The following PLCE1 variants were observed in gnomAD, a reference collection of about 807,000 sequenced individuals.
PLCE1 encodes the protein 1-phosphatidylinositol 4,5-bisphosphate phosphodiesterase epsilon-1.
PLCE1 carries 119 observed loss-of-function variants against 242.8 expected under a neutral mutation model. The observed-to-expected ratio is 0.49, with a 90% CI of 0.42 to 0.57. The LOEUF is 0.57. Among genes scored for constraint, PLCE1 ranks in the 20% least tolerant of loss-of-function variants. PLCE1 has a pLI of 0.00. For synonymous variants in PLCE1, 945 were observed against 1,017.4 expected (o/e 0.93, Z 1.35); for missense variants, 2,441 against 2,788.8 (o/e 0.88, Z 2.81).
At chr10:94,112,287 C>T (rs1298229015) in intron 2 of PLCE1, among the ~76,000 whole-genome samples, 1 of 152,090 alleles carries the variant, frequency 6.6e-6, no homozygotes, top group Middle Eastern at 3.2e-3. Flanking sequence ...TTTCATGAAA[C>T]AAATGCATTC....
In PLCE1 at chr10:94,283,901, A is replaced by G. The variant is rs2052340882; in HGVS notation, c.4907A>G (p.Asn1636Ser). ...AAGAAAGCAGATAACTCTGCTTGCA[A>G]CAAAGGAAAGGTGGGTGAACGGTTT... ...RIKKADNSAC[N>S]KGKVYDMELG... is the part of the protein sequence containing the mutation. The change falls in exon 21 of 33, where the codon AAC (asparagine) becomes AGC (serine). Residue 1636 changes from asparagine to serine, a missense_variant. By Grantham distance (46) the Asn-to-Ser change is conservative. Coordinates refer to ENST00000371380, the MANE Select transcript of PLCE1 (RefSeq NM_016341.4). 3 of 1,611,510 alleles carry G rather than the reference A, an allele frequency of 1.9e-6. No individual in the cohort carries two copies. Among genetic ancestry groups the G allele is most frequent in the Non-Finnish European group, 1.7e-6 (2 of 1,178,212 alleles).
chr10:94,098,360 A>G (rs2045394002), intron 2 of PLCE1, among the ~76,000 whole-genome samples: 1 of 152,210 alleles, frequency 6.6e-6, no homozygotes, highest in Non-Finnish European at 1.5e-5. Context: ...TCCCCTCAGG[A>G]GTATTTCCCC....
chr10:94,004,016 G>C (rs1220828170), intron 1 of PLCE1, among the ~76,000 whole-genome samples: 1 of 152,070 alleles, frequency 6.6e-6, no homozygotes, highest in Non-Finnish European at 1.5e-5. Context: ...GCATGGTGGT[G>C]GGCGCCTGTA....
At chr10:94,266,503 G>T (rs1440515623) in intron 16 of PLCE1, among the ~76,000 whole-genome samples, 1 of 152,128 alleles carries the variant, frequency 6.6e-6, no homozygotes, top group African/African-American at 2.4e-5. Flanking sequence ...AATGTTCTTT[G>T]AAACTCAGTA....
At chr10:94,198,089 A>G (rs1214454414) in intron 4 of PLCE1, among the ~76,000 whole-genome samples, 1 of 151,322 alleles carries the variant, frequency 6.6e-6, no homozygotes, top group African/African-American at 2.4e-5. Context: ...AAAAAAAGAT[A>G]TAATCTCATT....
chr10:94,174,709 C>G (rs143873529), intron 4 of PLCE1, among the ~76,000 whole-genome samples: 93 of 152,230 alleles, frequency 6.1e-4, no homozygotes, highest in African/African-American at 2.1e-3. Flanking sequence ...TCAGGCAACT[C>G]TAAATTGAAG....
intron 24 of PLCE1, among the ~76,000 whole-genome samples, chr10:94,304,278 T>C (rs1057043666): frequency 6.6e-6 from 1 of 152,230 alleles, no homozygotes; most frequent in African/African-American, 2.4e-5. Flanking sequence ...TTTTCTCTTA[T>C]TACCTGCTGT....
At chr10:94,172,823 T>A (rs890807763) in intron 4 of PLCE1, among the ~76,000 whole-genome samples, 3 of 152,136 alleles carry the variant, frequency 2.0e-5, no homozygotes, top group African/African-American at 4.8e-5. Flanking sequence ...TGAGACACCA[T>A]CTTTAGAAAA....
intron 2 of PLCE1, among the ~76,000 whole-genome samples, chr10:94,126,611 A>T (rs1228950347): frequency 2.0e-5 from 3 of 152,154 alleles, no homozygotes; most frequent in Non-Finnish European, 4.4e-5. Flanking sequence ...CCATGTTGTG[A>T]TGTGTTGGAT....
In PLCE1 at chr10:94,246,152, T is replaced by A; in HGVS notation, c.2627T>A (p.Leu876His). The change falls in exon 8 of 33, where the codon CTC (leucine) becomes CAC (histidine). Residue 876 changes from leucine (L) to histidine (H), a missense_variant. Physicochemically the swap from Leu to His is moderately conservative, Grantham distance 99. Around this residue, in one of 5 missense-constraint regions of PLCE1, gnomAD observed 733 missense variants for 754.2 expected, o/e 0.97. Coordinates refer to ENST00000371380, the MANE Select transcript of PLCE1 (RefSeq NM_016341.4). ...TVIHYDQDTH[L>H]SARCFLQLQP... The stretch of plus-strand genomic sequence containing the variant: ...ATCCACTACGACCAGGACACACACC[T>A]CTCTGCCCGCTGCTTCCTCCAGCTT... 1 of 1,614,056 alleles carries A rather than the reference T, an allele frequency of 6.2e-7. No homozygotes were observed. Among genetic ancestry groups the A allele is most frequent in the Non-Finnish European group, 8.5e-7 (1 of 1,180,000 alleles).
intron 1 of PLCE1, among the ~76,000 whole-genome samples, chr10:94,024,461 T>C (rs1241232279): frequency 6.6e-6 from 1 of 152,160 alleles, no homozygotes; most frequent in African/African-American, 2.4e-5. Context: ...CTTTGTCTTT[T>C]GTTACCTGGT....
chr10:94,304,588 GT>G lies in PLCE1; in HGVS notation c.5569del (p.Ser1857LeufsTer3). On this transcript the variant is annotated frameshift_variant, in exon 25 of 33. Transcript: ENST00000371380. LOFTEE classifies it high-confidence loss of function. ...ACAAGAACTGCCCCATGTATCAGAAGTTTTCTCCACTAGAAAGAGATCTGGA... is the reference window on the plus strand; with the variant it reads ...ACAAGAACTGCCCCATGTATCAGAAGTTTCTCCACTAGAAAGAGATCTGGA... Reference protein sequence around the residue: ...WDKNCPMYQKFSPLERDLDSM... With the variant: ...WDKNCPMYQKXSPLERDLDSM... The G allele has an allele frequency of 6.2e-7, 1 of 1,614,112 alleles. No homozygotes were observed. The highest frequency in any genetic ancestry group is 8.5e-7 in the Non-Finnish European group (1 of 1,179,972).
chr10:94,165,600 A>G lies in PLCE1; in HGVS notation c.1493-5580A>G, dbSNP rs1272873893. ...TTTAAGTAACTTACAAAAAAACAGTATTACCATATATATTGGAAAAAAATC... is the reference window on the plus strand; with the variant it reads ...TTTAAGTAACTTACAAAAAAACAGTGTTACCATATATATTGGAAAAAAATC... On this transcript the variant is annotated intron_variant, in intron 3 of 32. Coordinates refer to ENST00000371380, the MANE Select transcript of PLCE1 (RefSeq NM_016341.4). Among the ~76,000 whole-genome samples the G allele has an allele frequency of 2.6e-5, 4 of 152,176 alleles. No individual in the cohort carries two copies. In the East Asian group the frequency reaches 7.7e-4, roughly 29 times the overall value.
intron 3 of PLCE1, among the ~76,000 whole-genome samples, chr10:94,148,976 A>G (rs1431347104): frequency 1.3e-5 from 2 of 152,180 alleles, no homozygotes; most frequent in African/African-American, 4.8e-5. Flanking sequence ...CACCTCTCAC[A>G]CAGCACCCCG....
intron 23 of PLCE1, among the ~76,000 whole-genome samples, chr10:94,296,456 C>A (rs1392989778): frequency 1.3e-5 from 2 of 151,948 alleles, no homozygotes; most frequent in African/African-American, 4.8e-5. Flanking sequence ...ACTGTAGCTT[C>A]TCCATCAGTA....
At chr10:94,293,736 T>C in intron 23 of PLCE1, 97 bp downstream of exon 23, 1 of 1,370,412 alleles carries the variant, frequency 7.3e-7, no homozygotes, top group Non-Finnish European at 1.0e-6. Context: ...TTTTTAATTC[T>C]TTTTCCTGAA....
chr10:94,028,495 A>G (rs1005606083), intron 1 of PLCE1, among the ~76,000 whole-genome samples: 3 of 152,176 alleles, frequency 2.0e-5, no homozygotes, highest in African/African-American at 7.2e-5. Context: ...TCCTTCTACC[A>G]CATTCCATAC....
intron 2 of PLCE1, among the ~76,000 whole-genome samples, chr10:94,101,290 C>A (rs2045527206): frequency 6.6e-6 from 1 of 152,098 alleles, no homozygotes; most frequent in Non-Finnish European, 1.5e-5. Context: ...CCTTTCAGTT[C>A]CTCAGCTCTT....
intron 3 of PLCE1, 80 bp from the exon 4 acceptor site, chr10:94,171,100 T>A: frequency 6.0e-6 from 7 of 1,170,714 alleles, no homozygotes; most frequent in Non-Finnish European, 9.0e-6. Context: ...CATACAAGAT[T>A]TGGAATGGCT....
Sources: allele counts gnomAD v4.1 joint callset (sites outside exome capture counted in the v4.1 genomes callset), GRCh38; gene constraint gnomAD v4.1.1; regional missense constraint gnomAD v4.1.1; transcripts MANE v1.5; gene names NCBI Gene and HGNC (gene_info 2026-07-23, HGNC 2026-07-21).